CDH6: variants seen among roughly 807,000 people sequenced by gnomAD.
The protein encoded by CDH6 is cadherin 6, also known as cadherin-6.
In CDH6, 31 loss-of-function variants were observed where a neutral mutation model predicts 78.0. That is an observed-to-expected ratio of 0.40 (90% confidence interval 0.30 to 0.54). CDH6 has a LOEUF of 0.54. Ranked by LOEUF, CDH6 falls within the 20% of genes least tolerant of loss-of-function variation. The probability of loss-of-function intolerance (pLI) is 0.56; values close to 1 mark genes in which losing one functional copy is unlikely to be tolerated. For synonymous variants in CDH6, 376 were observed against 368.8 expected (o/e 1.02, Z -0.23); for missense variants, 724 against 975.9 (o/e 0.74, Z 3.44).
intron 1 of CDH6, among the ~76,000 whole-genome samples, chr5:31,242,018 CAG>C (rs1343539454): frequency 1.3e-5 from 2 of 152,168 alleles, no homozygotes; most frequent in Non-Finnish European, 2.9e-5. Flanking sequence ...CCTTGATAAT[CAG>C]GGTGAATCAT....
At chr5:31,223,120 T>A (rs995712735) in intron 1 of CDH6, among the ~76,000 whole-genome samples, 1 of 152,140 alleles carries the variant, frequency 6.6e-6, no homozygotes, top group African/African-American at 2.4e-5. Context: ...AAAAAATACA[T>A]CTCATTTTCT....
At chr5:31,293,052 C>T (rs555411485) in intron 2 of CDH6, among the ~76,000 whole-genome samples, 1 of 151,914 alleles carries the variant, frequency 6.6e-6, no homozygotes, top group African/African-American at 2.4e-5. Flanking sequence ...AGTTAGGATT[C>T]TCATCTTCTA....
chr5:31,267,816 A>T, intron 2 of CDH6, 115 bp downstream of exon 2: 2 of 782,454 alleles, frequency 2.6e-6, no homozygotes, highest in South Asian at 3.6e-5. Flanking sequence ...ATTGTTGCTT[A>T]ACTGGTAAGA....
intron 1 of CDH6, among the ~76,000 whole-genome samples, chr5:31,203,818 G>A (rs1391676660): frequency 2.0e-5 from 3 of 151,514 alleles, no homozygotes; most frequent in Non-Finnish European, 2.9e-5. Context: ...CTGAGGAATC[G>A]CCACACTGAC....
chr5:31,319,029 T>C (rs1362412380), intron 11 of CDH6: 2 of 197,876 alleles, frequency 1.0e-5, no homozygotes, highest in Non-Finnish European at 2.1e-5. Flanking sequence ...AAACTGACAG[T>C]GTGCAAAGAC....
chr5:31,302,971 A>C (rs1324152215), intron 6 of CDH6, among the ~76,000 whole-genome samples: 1 of 143,704 alleles, frequency 7.0e-6, no homozygotes, highest in East Asian at 2.0e-4. Flanking sequence ...AAGAAAAGAA[A>C]GAAAGAAAGA....
intron 2 of CDH6, among the ~76,000 whole-genome samples, chr5:31,290,472 T>C (rs544698413): frequency 2.0e-5 from 3 of 152,328 alleles, no homozygotes; most frequent in East Asian, 1.9e-4. Context: ...CACATTAAAC[T>C]GAAATTAGTA....
chr5:31,196,408 G>A (rs1246882743), intron 1 of CDH6, among the ~76,000 whole-genome samples: 1 of 152,186 alleles, frequency 6.6e-6, no homozygotes, highest in Non-Finnish European at 1.5e-5. Context: ...AATATTCTGA[G>A]TGAAACTACA....
intron 1 of CDH6, chr5:31,250,560 G>C (rs1204429683): frequency 3.3e-5 from 5 of 152,784 alleles, no homozygotes; most frequent in Non-Finnish European, 7.3e-5. Flanking sequence ...ATGCCAGGAT[G>C]ACAAGGACAG....
chr5:31,244,931 C>T (rs140727717), intron 1 of CDH6, among the ~76,000 whole-genome samples: 131 of 152,328 alleles, frequency 8.6e-4, no homozygotes, highest in African/African-American at 3.0e-3. Context: ...CCACAAACAG[C>T]AGCTTGAACA....
At position 31,267,608 on chromosome 5, in the gene CDH6, A is replaced by G; in HGVS notation, c.135A>G (p.Lys45=). The change falls in exon 2 of 12, where the codon AAA becomes AAG. Residue 45 remains lysine, a synonymous_variant. Coordinates refer to ENST00000265071, the MANE Select transcript of CDH6 (RefSeq NM_004932.4). Reference sequence around the variant, plus strand: ...CCCTGGAGCTCTCTGGAAACAGCAAAAATGAGCTGAACCGTTCAAAAAGGA... The same window carrying G: ...CCCTGGAGCTCTCTGGAAACAGCAAGAATGAGCTGAACCGTTCAAAAAGGA... The part of the protein sequence containing the change: ...KRALELSGNS[K]NELNRSKRSW... 6.2e-7 allele frequency: 1 copy of G among 1,614,156 alleles called. No individual in the cohort carries two copies. The highest frequency in any genetic ancestry group is 1.7e-5 in the Admixed American group (1 of 60,016).
At position 31,326,714 on chromosome 5, in the gene CDH6, CAG is replaced by C. The variant is rs1738634039; in HGVS notation, c.*3408_*3409del. 9.8e-6 allele frequency: 1 copy of C among 102,200 alleles called. No individual in the cohort carries two copies. Among genetic ancestry groups the C allele is most frequent in the Non-Finnish European group, 1.7e-5 (1 of 58,162 alleles). 6.3% of individuals were successfully genotyped at this position (102,200 alleles called of 1,614,324 possible). A position where few individuals can be genotyped will look rare whatever the true frequency, so the allele number is the denominator to read the frequency against. On this transcript the variant is annotated 3_prime_UTR_variant, in exon 12 of 12. Coordinates refer to ENST00000265071, the MANE Select transcript of CDH6 (RefSeq NM_004932.4). ...TTTTTTTTTTTTTTTTTTTTTGAGA[CAG>C]AATCTCGCTCTGTCGCCCAGGCTGG... is the stretch of plus-strand genomic sequence containing the variant.
chr5:31,248,084 G>T (rs1338306449), intron 1 of CDH6, among the ~76,000 whole-genome samples: 1 of 152,184 alleles, frequency 6.6e-6, no homozygotes, highest in Non-Finnish European at 1.5e-5. Flanking sequence ...TTTTTATTAA[G>T]TATGTGTGTT....
chr5:31,286,356 G>A (rs1422966479), intron 2 of CDH6, among the ~76,000 whole-genome samples: 2 of 152,174 alleles, frequency 1.3e-5, no homozygotes, highest in Admixed American at 6.5e-5. Context: ...ACTTAGACCA[G>A]CAGCTTAAGG....
intron 1 of CDH6, among the ~76,000 whole-genome samples, chr5:31,195,309 G>A (rs1253076830): frequency 6.6e-6 from 1 of 152,128 alleles, no homozygotes; most frequent in Non-Finnish European, 1.5e-5. Context: ...CCAGGGGGTT[G>A]CAAACTCCTC....
In CDH6 at chr5:31,216,570, G is replaced by A. The variant is rs371556151; in HGVS notation, c.-129+22684G>A. On this transcript the variant is annotated intron_variant, in intron 1 of 11. Transcript: ENST00000265071. Reference sequence around the variant, plus strand: ...AATAGTTGCAACAGAGATGTGTATGGCCCACATACACATCTAGTGTATGTG... The same window carrying A: ...AATAGTTGCAACAGAGATGTGTATGACCCACATACACATCTAGTGTATGTG... 4.2e-4 allele frequency among the ~76,000 whole-genome samples: 64 copies of A among 150,808 alleles called. 1 individual carries two copies. In the South Asian group the frequency reaches 0.013, roughly 31 times the overall value.
chr5:31,302,372 A>C (rs915317515), intron 6 of CDH6, 74 bp downstream of exon 6: 106 of 1,051,148 alleles, frequency 1.0e-4, no homozygotes, highest in Non-Finnish European at 1.4e-4. Flanking sequence ...ACCAGGGGCA[A>C]TTATATCTCA....
intron 1 of CDH6, among the ~76,000 whole-genome samples, chr5:31,222,081 T>C (rs191914477): frequency 4.7e-4 from 71 of 152,332 alleles, no homozygotes; most frequent in Non-Finnish European, 8.1e-4. Flanking sequence ...TATTGTAGTT[T>C]TAAAAATAGG....
intron 1 of CDH6, among the ~76,000 whole-genome samples, chr5:31,198,894 G>A (rs775984784): frequency 2.6e-5 from 4 of 152,024 alleles, no homozygotes; most frequent in Non-Finnish European, 4.4e-5. Context: ...CACCATCTAA[G>A]GGAGGTAACC....
Sources: allele counts gnomAD v4.1 joint callset (sites outside exome capture counted in the v4.1 genomes callset), GRCh38; gene constraint gnomAD v4.1.1; transcripts MANE v1.5; gene names NCBI Gene and HGNC (gene_info 2026-07-23, HGNC 2026-07-21).